STX17: variants seen among roughly 807,000 people sequenced by gnomAD.
The protein encoded by STX17 is syntaxin 17, also known as syntaxin-17.
Under a neutral mutation model 35.9 loss-of-function variants are expected in STX17, and 29 were observed. The observed-to-expected ratio is 0.81, with a 90% CI of 0.60 to 1.10. The LOEUF is 1.10. STX17 is among the 50% of genes least tolerant of loss of function. STX17 has a pLI of 0.00. For synonymous variants in STX17, 92 were observed against 118.3 expected (o/e 0.78, Z 1.44); for missense variants, 312 against 352.3 (o/e 0.89, Z 0.92).
At chr9:99,922,739 C>T (rs1828912909) in intron 2 of STX17, among the ~76,000 whole-genome samples, 1 of 152,132 alleles carries the variant, frequency 6.6e-6, no homozygotes, top group Admixed American at 6.6e-5. Context: ...AAGGTCTTCC[C>T]CATCTATGCT....
intron 1 of STX17, among the ~76,000 whole-genome samples, chr9:99,908,845 A>G (rs544922761): frequency 1.2e-4 from 19 of 152,346 alleles, no homozygotes; most frequent in African/African-American, 4.3e-4. Flanking sequence ...ATACATATGC[A>G]TACCCATGCA....
chr9:99,945,800 G>A (rs1012242968), intron 3 of STX17: 44 of 360,216 alleles, frequency 1.2e-4, no homozygotes, highest in Admixed American at 6.1e-4. Flanking sequence ...GGACAGTTGC[G>A]GCCGGGCGCG....
chr9:99,963,184 A>G (rs1013332889), intron 6 of STX17, among the ~76,000 whole-genome samples: 1 of 152,210 alleles, frequency 6.6e-6, no homozygotes, highest in African/African-American at 2.4e-5. Flanking sequence ...CCATTGACAG[A>G]TCAAGGTATA....
Position 99,972,111 on chromosome 9 carries a change from T to A in STX17, c.*3438T>A, listed in dbSNP as rs1021567749. ...ATTCCTTACTGAGTGTCCAGCAGCC[T>A]CAAAGTTTTTAATGGTAGCTGATGC... On this transcript the variant is annotated 3_prime_UTR_variant, in exon 8 of 8. Transcript: ENST00000259400. Among the ~76,000 whole-genome samples, 2 of 152,214 alleles carry A rather than the reference T, an allele frequency of 1.3e-5. No individual in the cohort carries two copies. The highest frequency in any genetic ancestry group is 4.8e-5 in the African/African-American group (2 of 41,454).
At chr9:99,937,588 A>T (rs1302879280) in intron 3 of STX17, among the ~76,000 whole-genome samples, 2 of 152,128 alleles carry the variant, frequency 1.3e-5, no homozygotes, top group African/African-American at 4.8e-5. Context: ...CCCCTCCAGA[A>T]TTTTGATTTG....
chr9:99,928,964 G>T, intron 3 of STX17, 121 bp downstream of exon 3: 2 of 809,800 alleles, frequency 2.5e-6, no homozygotes. Context: ...ATTTACTTGA[G>T]GATACATTTT....
chr9:99,917,610 A>G (rs923656262), intron 2 of STX17, among the ~76,000 whole-genome samples: 2 of 152,214 alleles, frequency 1.3e-5, no homozygotes, highest in Non-Finnish European at 2.9e-5. Context: ...GCTGTATTCC[A>G]TAGGTCCTTC....
At chr9:99,955,153 A>G (rs1829683130) in intron 4 of STX17, among the ~76,000 whole-genome samples, 1 of 152,114 alleles carries the variant, frequency 6.6e-6, no homozygotes, top group South Asian at 2.1e-4. Context: ...TACTCTCAGG[A>G]CACACACTTC....
In STX17 at chr9:99,968,761, A is replaced by G. The variant is rs978507832; in HGVS notation, c.*88A>G. On this transcript the variant is annotated 3_prime_UTR_variant, in exon 8 of 8. Transcript: ENST00000259400. ...ACACTCCGTCACCTTTTGGAACACAAGTATATCAAGATAGTGGCTACTGAT... is the reference window on the plus strand; with the variant it reads ...ACACTCCGTCACCTTTTGGAACACAGGTATATCAAGATAGTGGCTACTGAT... 4 of 1,531,064 alleles carry G rather than the reference A, an allele frequency of 2.6e-6. No homozygotes were observed. The African/African-American group carries it at 5.5e-5, about 21-fold the overall frequency. 94.8% of individuals were successfully genotyped at this position (1,531,064 alleles called of 1,614,324 possible).
chr9:99,960,589 A>G (rs904169034), intron 6 of STX17, among the ~76,000 whole-genome samples: 1 of 152,214 alleles, frequency 6.6e-6, no homozygotes, highest in East Asian at 1.9e-4. Flanking sequence ...GATTACAGGC[A>G]CGTGCCACCA....
At chr9:99,919,015 T>A (rs1357969826) in intron 2 of STX17, among the ~76,000 whole-genome samples, 2 of 152,148 alleles carry the variant, frequency 1.3e-5, no homozygotes, top group African/African-American at 4.8e-5. Context: ...AGGCTTAATC[T>A]TCCTGGTTGT....
At chr9:99,951,855 A>G (rs1829605703) in intron 4 of STX17, among the ~76,000 whole-genome samples, 3 of 152,044 alleles carry the variant, frequency 2.0e-5, no homozygotes, top group Admixed American at 1.3e-4. Context: ...TTTAATTCTG[A>G]AAATATTCTT....
Position 99,927,766 on chromosome 9 carries a change from C to T in STX17, c.124-1012C>T, listed in dbSNP as rs560579678. ...TGCTGGGATTATGGGCATGAGCCAC[C>T]GCGCCTGGCCGGTCTAATTGTTTTA... On this transcript the variant is annotated intron_variant, in intron 2 of 7. Coordinates refer to ENST00000259400, the MANE Select transcript of STX17 (RefSeq NM_017919.3). 1.3e-3 allele frequency among the ~76,000 whole-genome samples: 201 copies of T among 152,294 alleles called. 1 individual carries two copies. Among genetic ancestry groups the T allele is most frequent in the Non-Finnish European group, 2.3e-3 (154 of 68,026 alleles).
At chr9:99,931,677 G>A (rs531872424) in intron 3 of STX17, among the ~76,000 whole-genome samples, 5 of 151,988 alleles carry the variant, frequency 3.3e-5, no homozygotes, top group Admixed American at 6.6e-5. Flanking sequence ...CTGGTTCTTT[G>A]TAGAAAAAAT....
chr9:99,957,747 A>G (rs978396981), intron 4 of STX17, among the ~76,000 whole-genome samples: 17 of 147,168 alleles, frequency 1.2e-4, no homozygotes, highest in African/African-American at 4.0e-4. Flanking sequence ...TCTGCCTCCC[A>G]GGTTCTAGTA....
chr9:99,933,213 G>C (rs530074785), intron 3 of STX17, among the ~76,000 whole-genome samples: 1 of 152,214 alleles, frequency 6.6e-6, no homozygotes, highest in African/African-American at 2.4e-5. Context: ...TACTTCTGAA[G>C]CACATTGTAA....
rs7039464 is a variant in STX17 at position 99,971,644 on chromosome 9, A to G, written c.*2971A>G. 1.5e-3 allele frequency among the ~76,000 whole-genome samples: 224 copies of G among 152,314 alleles called. 2 individuals carry two copies. The highest frequency in any genetic ancestry group is 5.3e-3 in the African/African-American group (221 of 41,570). On this transcript the variant is annotated 3_prime_UTR_variant, in exon 8 of 8. Transcript: ENST00000259400. ...ATTTGCAGAGGTTTACTCAACTACAAAGGGGTGAAGCCAGGAATGTTAACT... is the reference window on the plus strand; with the variant it reads ...ATTTGCAGAGGTTTACTCAACTACAGAGGGGTGAAGCCAGGAATGTTAACT...
intron 3 of STX17, among the ~76,000 whole-genome samples, chr9:99,944,927 A>G (rs1490343288): frequency 1.3e-5 from 2 of 152,118 alleles, no homozygotes; most frequent in South Asian, 2.1e-4. Flanking sequence ...AATGATTTCA[A>G]GTTTAATTTT....
intron 3 of STX17, 46 bp downstream of exon 3, chr9:99,928,889 G>A (rs1209141955): frequency 1.3e-6 from 2 of 1,565,758 alleles, no homozygotes; most frequent in Admixed American, 1.7e-5. Context: ...GAAAAAGACA[G>A]TCTTAAGACA....
Sources: gnomAD v4.1 joint callset for allele counts (sites outside exome capture counted in the v4.1 genomes callset) on GRCh38, gnomAD v4.1.1 for gene constraint, MANE v1.5 for transcripts, NCBI Gene and HGNC (gene_info 2026-07-23, HGNC 2026-07-21) for gene names.